NBPF26: variants seen among roughly 807,000 people sequenced by gnomAD.
NBPF26 encodes the protein NBPF member 26, also known as NBPF family member NBPF26.
A neutral mutation model predicts 119.6 loss-of-function variants in NBPF26; 79 were observed. The observed-to-expected ratio is 0.66, with a 90% CI of 0.55 to 0.80. The LOEUF is 0.80. Among genes scored for constraint, NBPF26 ranks in the 30% least tolerant of loss-of-function variants. The pLI is 0.00. For missense variants in NBPF26, 800 were observed against 1,198.2 expected (o/e 0.67, Z 4.91); for synonymous variants, 299 against 457.7 (o/e 0.65, Z 4.43).
intron 1 of NBPF26, 106 bp from the exon 2 acceptor site, chr1:120,763,522 A>T (rs1651155622): frequency 4.0e-6 from 2 of 504,552 alleles, no homozygotes; most frequent in Non-Finnish European, 6.9e-6. Flanking sequence ...AAAGAAACCC[A>T]GATTAGGTGG....
chr1:120,752,554 ATT>A (rs1188849971), intron 1 of NBPF26, among the ~76,000 whole-genome samples: 5 of 3,740 alleles, frequency 1.3e-3, no homozygotes, highest in African/African-American at 3.4e-3. Context: ...ATATATATAT[ATT>A]TTTTTTTTTT....
In NBPF26 at chr1:120,804,627, G is replaced by A. The variant is rs1237125073; in HGVS notation, c.752-929G>A. Among the ~76,000 whole-genome samples, 21 of 118,910 alleles carry A rather than the reference G, an allele frequency of 1.8e-4. 4 individuals are homozygous for A. The highest frequency in any genetic ancestry group is 3.3e-4 in the Non-Finnish European group (20 of 60,552). 78.0% of individuals were successfully genotyped at this position (118,910 alleles called of 152,430 possible). A position where few individuals can be genotyped will look rare whatever the true frequency, so the allele number is the denominator to read the frequency against. On this transcript the variant is annotated intron_variant, in intron 4 of 29. Transcript: ENST00000620612. ...TTGATACCTTGAAAAGAGGTCTTGTGGCACTAGAATGACATCTATAAGTGA... is the reference window on the plus strand; with the variant it reads ...TTGATACCTTGAAAAGAGGTCTTGTAGCACTAGAATGACATCTATAAGTGA...
chr1:120,805,105 G>C, intron 4 of NBPF26, among the ~76,000 whole-genome samples: 1 of 124,692 alleles, frequency 8.0e-6, no homozygotes, highest in Non-Finnish European at 1.6e-5. Context: ...TATTGGGAAA[G>C]ACACGGGTCT....
At chr1:120,823,799 C>A (rs1472295923) in intron 17 of NBPF26, among the ~76,000 whole-genome samples, 175 bp from the exon 18 acceptor site, 1 of 91,418 alleles carries the variant, frequency 1.1e-5, no homozygotes, top group Admixed American at 1.0e-4. Flanking sequence ...TGTCTTTCAT[C>A]TTTTTCTACC....
chr1:120,750,692 GC>G lies in NBPF26; in HGVS notation c.74-12935del, dbSNP rs1255899824. On this transcript the variant is annotated intron_variant, in intron 1 of 29. Coordinates refer to ENST00000620612, the Ensembl canonical transcript of NBPF26. Reference sequence around the variant, plus strand: ...AGTCTTGTATTTTCTGAAGGTTGCTGCTTTTGGGGTATTTTCCGTGGAGGTG... The same window carrying G: ...AGTCTTGTATTTTCTGAAGGTTGCTGTTTTGGGGTATTTTCCGTGGAGGTG... 3.6e-5 allele frequency among the ~76,000 whole-genome samples: 4 copies of G among 110,828 alleles called. 2 individuals carry two copies. The highest frequency in any genetic ancestry group is 6.8e-5 in the Non-Finnish European group (4 of 59,116). The allele number at this position is 110,828 out of a possible 152,430, so 72.7% of individuals were successfully genotyped here.
rs2101419332 is a variant in NBPF26, at chr1:120,767,948, C to T, written c.155+4239C>T. ...GTTGTCTATGGATGTGTTTCTATTTCTATCAACTGCTCCTTCTTTGGACCA... is the reference window on the plus strand; with the variant it reads ...GTTGTCTATGGATGTGTTTCTATTTTTATCAACTGCTCCTTCTTTGGACCA... On this transcript the variant is annotated intron_variant, in intron 2 of 29. Coordinates refer to ENST00000620612, the Ensembl canonical transcript of NBPF26. Among the ~76,000 whole-genome samples the T allele has an allele frequency of 1.7e-5, 2 of 117,998 alleles. 1 individual carries two copies. The highest frequency in any genetic ancestry group is 9.8e-5 in the African/African-American group (2 of 20,354). 77.4% of individuals were successfully genotyped at this position (117,998 alleles called of 152,430 possible).
intron 2 of NBPF26, among the ~76,000 whole-genome samples, chr1:120,784,693 T>C (rs1651401918): frequency 8.4e-6 from 1 of 118,484 alleles, no homozygotes; most frequent in Non-Finnish European, 1.6e-5. Context: ...CCATCTATTG[T>C]GCATCTTTTA....
At chr1:120,781,828 G>A (rs1651365020) in intron 2 of NBPF26, among the ~76,000 whole-genome samples, 2 of 117,948 alleles carry the variant, frequency 1.7e-5, no homozygotes, top group East Asian at 4.1e-4. Flanking sequence ...AAAGTGCTGA[G>A]ATTACTGGTG....
In NBPF26 at chr1:120,727,894, A is replaced by T. The variant is rs1402181817; in HGVS notation, c.73+3644A>T. 2.5e-5 allele frequency among the ~76,000 whole-genome samples: 3 copies of T among 118,142 alleles called. No individual in the cohort carries two copies. The East Asian group carries it at 6.2e-4, about 25-fold the overall frequency. 77.5% of individuals were successfully genotyped at this position (118,142 alleles called of 152,430 possible). On this transcript the variant is annotated intron_variant, in intron 1 of 29. Coordinates refer to ENST00000620612, the Ensembl canonical transcript of NBPF26. ...ACCATATGTGTAGTATTTTGGACAG[A>T]TCACTGAACTAGGAGCCAGAAGACC...
In NBPF26 at chr1:120,807,310, C is replaced by T. The variant is rs1252916268; in HGVS notation, c.962-297C>T. On this transcript the variant is annotated intron_variant, in intron 5 of 29. Coordinates refer to ENST00000620612, the Ensembl canonical transcript of NBPF26. The stretch of plus-strand genomic sequence containing the variant: ...GCTGCAAGGCTTGGGAAAGTGGCCC[C>T]GCATTCAGAGTCAGACCTCAGGGAC... Among the ~76,000 whole-genome samples the T allele has an allele frequency of 1.6e-4, 20 of 125,504 alleles. 3 individuals are homozygous for T. The highest frequency in any genetic ancestry group is 4.6e-4 in the African/African-American group (12 of 26,094). The allele number at this position is 125,504 out of a possible 152,430, so 82.3% of individuals were successfully genotyped here.
intron 2 of NBPF26, among the ~76,000 whole-genome samples, chr1:120,777,574 C>G (rs1651313005): frequency 2.0e-5 from 2 of 99,866 alleles, no homozygotes; most frequent in Admixed American, 2.0e-4. Context: ...TTCTGGACAC[C>G]AATCTATACA....
At position 120,794,376 on chromosome 1, in the gene NBPF26, A is replaced by G. The variant is rs1267269507; in HGVS notation, c.751+880A>G. Among the ~76,000 whole-genome samples, 8 of 112,782 alleles carry G rather than the reference A, an allele frequency of 7.1e-5. 3 individuals carry two copies. In the South Asian group the frequency reaches 1.0e-3, roughly 15 times the overall value. The allele number at this position is 112,782 out of a possible 152,430, so 74.0% of individuals were successfully genotyped here. Reference sequence around the variant, plus strand: ...ATTGGGAACAGAATACAAGCAGCTGAAGCAGATGAATTACTAAGCAACAAA... The same window carrying G: ...ATTGGGAACAGAATACAAGCAGCTGGAGCAGATGAATTACTAAGCAACAAA... On this transcript the variant is annotated intron_variant, in intron 4 of 29. Coordinates refer to ENST00000620612, the Ensembl canonical transcript of NBPF26.
In NBPF26 at chr1:120,795,942, GTGTGTGTA is replaced by G. The variant is rs1205301123; in HGVS notation, c.751+2448_751+2455del. 3.5e-4 allele frequency among the ~76,000 whole-genome samples: 9 copies of G among 25,650 alleles called. 2 individuals are homozygous for G. The highest frequency in any genetic ancestry group is 1.1e-3 in the South Asian group (2 of 1,794). 16.8% of individuals were successfully genotyped at this position (25,650 alleles called of 152,430 possible). ...AATATGTGTGTGTGTGTGTGTGTGT[GTGTGTGTA>G]TATGCCGTTGTGCAGATGTTTAAAA... On this transcript the variant is annotated intron_variant, in intron 4 of 29. Coordinates refer to ENST00000620612, the Ensembl canonical transcript of NBPF26.
chr1:120,808,353 C>T (rs1365593209), intron 6 of NBPF26, among the ~76,000 whole-genome samples, 192 bp from the exon 7 acceptor site: 3 of 119,656 alleles, frequency 2.5e-5, no homozygotes, highest in African/African-American at 4.4e-5. Flanking sequence ...TGCAGGAGCC[C>T]TCTCTGATAC....
Position 120,785,055 on chromosome 1 carries a change from T to G in NBPF26, c.237T>G (p.Cys79Trp). 2.8e-6 allele frequency: 4 copies of G among 1,445,852 alleles called. 1 individual carries two copies. The highest frequency in any genetic ancestry group is 3.7e-6 in the Non-Finnish European group (4 of 1,082,014). 89.6% of individuals were successfully genotyped at this position (1,445,852 alleles called of 1,614,324 possible). The change falls in exon 3 of 30, where the codon TGT (cysteine) becomes TGG (tryptophan). Residue 79 changes from cysteine (C) to tryptophan (W), a missense_variant. This residue lies in a region of NBPF26 where 209 missense variants were observed against 285.2 expected (regional missense o/e 0.73). Coordinates refer to ENST00000620612, the Ensembl canonical transcript of NBPF26. ...ACCGCTGCCAGAATGGTGGGACTTG[T>G]GTGGCCCAGGCCATGCTGGGGAAAG...
rs1232808876 is a variant in NBPF26, at chr1:120,784,591, A to G, written c.156-383A>G. Among the ~76,000 whole-genome samples, 3 of 117,674 alleles carry G rather than the reference A, an allele frequency of 2.5e-5. 1 individual carries two copies. The highest frequency in any genetic ancestry group is 4.9e-5 in the Non-Finnish European group (3 of 61,196). 77.2% of individuals were successfully genotyped at this position (117,674 alleles called of 152,430 possible). A position where few individuals can be genotyped will look rare whatever the true frequency, so the allele number is the denominator to read the frequency against. On this transcript the variant is annotated intron_variant, in intron 2 of 29. Transcript: ENST00000620612. ...AGGTCTTCTCTGATTTTCCTATTCT[A>G]AACTGAGATACTTCTCTTTGCTCAC...
chr1:120,729,030 G>A (rs1650846874), intron 1 of NBPF26, among the ~76,000 whole-genome samples: 1 of 116,154 alleles, frequency 8.6e-6, no homozygotes, highest in Non-Finnish European at 1.6e-5. Flanking sequence ...CAACTGAGTG[G>A]CAGGTCTTAG....
At chr1:120,752,587 T>TTTTTTC (rs1651036534) in intron 1 of NBPF26, among the ~76,000 whole-genome samples, 2 of 40,252 alleles carry the variant, frequency 5.0e-5, no homozygotes, top group Non-Finnish European at 7.8e-5. Context: ...TTTTTTTTTT[T>TTTTTTC]TCAGGCAGAG....
exon 4 of NBPF26, chr1:120,793,350 C>T: frequency 7.0e-7 from 1 of 1,419,234 alleles, no homozygotes; most frequent in Non-Finnish European, 9.4e-7. Flanking sequence ...CTCAACCTGC[C>T]TGGTTCCTAC....
Sources: gnomAD v4.1 joint callset for allele counts (sites outside exome capture counted in the v4.1 genomes callset) on GRCh38, gnomAD v4.1.1 for gene constraint, gnomAD v4.1.1 regional missense constraint, MANE v1.5 for transcripts, NCBI Gene and HGNC (gene_info 2026-07-23, HGNC 2026-07-21) for gene names.